Variants in OR5B3 observed in about 807,000 individuals in gnomAD.
OR5B3 encodes olfactory receptor family 5 subfamily B member 3.
For missense variants in OR5B3, 430 were observed against 375.4 expected (o/e 1.15, Z -1.20); for synonymous variants, 150 against 135.0 (o/e 1.11, Z -0.77).
intron 1 of OR5B3, among the ~76,000 whole-genome samples, chr11:58,405,982 T>C (rs1376962570): frequency 6.6e-6 from 1 of 152,148 alleles, no homozygotes; most frequent in African/African-American, 2.4e-5. Flanking sequence ...GAGAAGGGTG[T>C]CCAACCAATA....
At chr11:58,406,214 A>ATAG (rs1855098063) in intron 1 of OR5B3, among the ~76,000 whole-genome samples, 1 of 132,838 alleles carries the variant, frequency 7.5e-6, no homozygotes, top group Non-Finnish European at 1.7e-5. Flanking sequence ...AGAGAGTTAG[A>ATAG]TAGTATTATT....
chr11:58,403,373 G>C lies in OR5B3; in HGVS notation c.37C>G (p.Leu13Val), dbSNP rs1345732005. 6.2e-7 allele frequency: 1 copy of C among 1,601,198 alleles called. No individual in the cohort carries two copies. The highest frequency in any genetic ancestry group is 8.5e-7 in the Non-Finnish European group (1 of 1,173,516). Residue 13 changes from leucine to valine, a missense_variant, in exon 2 of 2, where the codon CTA (leucine) becomes GTA (valine). Physicochemically the swap from Leu to Val is conservative, Grantham distance 32 (BLOSUM62 1). Coordinates refer to ENST00000641865, the MANE Select transcript of OR5B3 (RefSeq NM_001005469.2). ...AGTTCTGAGTCATTGGTTAGTCCTA[G>C]AAGAATGAATTGTGTTACTTCTGTC... is the stretch of plus-strand genomic sequence containing the variant. Reference protein sequence around the residue: ...NKTEVTQFILLGLTNDSELQV... With the variant: ...NKTEVTQFILVGLTNDSELQV...
At position 58,403,278 on chromosome 11, in the gene OR5B3, A is replaced by G; in HGVS notation, c.132T>C (p.Ile44=). 1 of 1,613,572 alleles carries G rather than the reference A, an allele frequency of 6.2e-7. No individual in the cohort carries two copies. Among genetic ancestry groups the G allele is most frequent in the African/African-American group, 1.3e-5 (1 of 75,018 alleles). Residue 44 remains isoleucine (I), a synonymous_variant, in exon 2 of 2, where the codon ATT becomes ATC. Transcript: ENST00000641865. ...IITLVGNLGI[I]VLIFWDSCLH... is the part of the protein sequence containing the mutation. Reference sequence around the variant, plus strand: ...GACAGGAATCCCAGAATATCAATACAATAATTCCCAGGTTTCCAACCAGAG... The same window carrying G: ...GACAGGAATCCCAGAATATCAATACGATAATTCCCAGGTTTCCAACCAGAG...
intron 1 of OR5B3, among the ~76,000 whole-genome samples, chr11:58,405,713 T>C (rs1373546250): frequency 6.6e-6 from 1 of 152,122 alleles, no homozygotes; most frequent in African/African-American, 2.4e-5. Flanking sequence ...ATCTTAGCTA[T>C]GTAATAAACC....
At position 58,403,360 on chromosome 11, in the gene OR5B3, T is replaced by C. The variant is rs781537030; in HGVS notation, c.50A>G (p.Asn17Ser). ...GAGGGGAACCTGCAGTTCTGAGTCA[T>C]TGGTTAGTCCTAGAAGAATGAATTG... Reference protein sequence around the residue: ...VTQFILLGLTNDSELQVPLFI... With the variant: ...VTQFILLGLTSDSELQVPLFI... Residue 17 changes from asparagine (N) to serine (S), a missense_variant, in exon 2 of 2, where the codon AAT becomes AGT. By Grantham distance (46) the Asn-to-Ser change is conservative (BLOSUM62 1). Coordinates refer to ENST00000641865, the MANE Select transcript of OR5B3 (RefSeq NM_001005469.2). 5.6e-6 allele frequency: 9 copies of C among 1,610,194 alleles called. No individual in the cohort carries two copies. In the African/African-American group the frequency reaches 6.7e-5, roughly 12 times the overall value.
intron 1 of OR5B3, among the ~76,000 whole-genome samples, chr11:58,405,232 T>C (rs902203296): frequency 2.0e-4 from 31 of 152,216 alleles, no homozygotes; most frequent in African/African-American, 6.0e-4. Context: ...ATGATTTCAT[T>C]TTTTAGGGCT....
chr11:58,403,048 T>C lies in OR5B3; in HGVS notation c.362A>G (p.Tyr121Cys), dbSNP rs1855053979. Residue 121 changes from tyrosine to cysteine, a missense_variant, in exon 2 of 2, where the codon TAT becomes TGT. Physicochemically the swap from Tyr to Cys is radical, Grantham distance 194. Coordinates refer to ENST00000641865, the MANE Select transcript of OR5B3 (RefSeq NM_001005469.2). ...YLLASMAYDR[Y>C]AAVCKPLHYT... Reference sequence around the variant, plus strand: ...ATGTAGGGGTTTGCACACTGCTGCATAGCGGTCATAGGCCATTGAGGCCAA... The same window carrying C: ...ATGTAGGGGTTTGCACACTGCTGCACAGCGGTCATAGGCCATTGAGGCCAA... The C allele has an allele frequency of 6.2e-7, 1 of 1,614,114 alleles. No homozygotes were observed. The highest frequency in any genetic ancestry group is 2.2e-5 in the East Asian group (1 of 44,886).
At chr11:58,403,719 G>A (rs1855066683) in intron 1 of OR5B3, among the ~76,000 whole-genome samples, 1 of 152,048 alleles carries the variant, frequency 6.6e-6, no homozygotes. Flanking sequence ...TCATCTAGAT[G>A]CATCTATCTG....
In OR5B3 at chr11:58,403,416, T is replaced by A; in HGVS notation, c.-7A>T. 6.8e-7 allele frequency: 1 copy of A among 1,461,142 alleles called. No individual in the cohort carries two copies. Among genetic ancestry groups the A allele is most frequent in the South Asian group, 1.3e-5 (1 of 76,894 alleles). 90.5% of individuals were successfully genotyped at this position (1,461,142 alleles called of 1,614,324 possible). ...CTTCTGTCTTATTTTCCATCACTGC[T>A]CTGGGGGACTCACAGGATGCTTGTA... is the stretch of plus-strand genomic sequence containing the variant. On this transcript the variant is annotated 5_prime_UTR_variant, in exon 2 of 2. Transcript: ENST00000641865.
intron 1 of OR5B3, among the ~76,000 whole-genome samples, chr11:58,406,432 A>G (rs7114539): frequency 1.2e-4 from 18 of 151,704 alleles, no homozygotes; most frequent in Non-Finnish European, 2.2e-4. Context: ...ATAGCTCGTT[A>G]ATTCATTTAA....
rs1855053785 is a variant in OR5B3, at chr11:58,403,037, A to ATAT, written c.372_373insATA (p.Val124_Cys125insIle). 6.2e-7 allele frequency: 1 copy of ATAT among 1,613,994 alleles called. No individual in the cohort carries two copies. The highest frequency in any genetic ancestry group is 1.3e-5 in the African/African-American group (1 of 74,942). On this transcript the variant is annotated inframe_insertion, in exon 2 of 2. Transcript: ENST00000641865. ...GTTGTGGTGTAATGTAGGGGTTTGC[A>ATAT]CACTGCTGCATAGCGGTCATAGGCC...
chr11:58,405,916 A>G (rs1306859564), intron 1 of OR5B3, among the ~76,000 whole-genome samples: 1 of 152,192 alleles, frequency 6.6e-6, no homozygotes, highest in African/African-American at 2.4e-5. Context: ...CAGCCATGAA[A>G]AAAAGAATGA....
intron 1 of OR5B3, among the ~76,000 whole-genome samples, chr11:58,406,071 G>A (rs1288271195): frequency 1.3e-5 from 2 of 152,064 alleles, no homozygotes; most frequent in Non-Finnish European, 2.9e-5. Flanking sequence ...AAGGTGTTAT[G>A]TTGCTAACTT....
rs752282306 is a variant in OR5B3 at position 58,403,229 on chromosome 11, G to GA, written c.180dup (p.Leu61SerfsTer3). Reference sequence around the variant, plus strand: ...AAGTCCACTAGAGACAAGTTACTGAGAAAAAAGTACATGGGATTGTGGAGA... The same window carrying GA: ...AAGTCCACTAGAGACAAGTTACTGAGAAAAAAAGTACATGGGATTGTGGAGA... On this transcript the variant is annotated frameshift_variant, in exon 2 of 2. Coordinates refer to ENST00000641865, the MANE Select transcript of OR5B3 (RefSeq NM_001005469.2). LOFTEE classifies it low-confidence loss of function (END_TRUNC). The GA allele has an allele frequency of 6.2e-7, 1 of 1,613,700 alleles. No homozygotes were observed. The highest frequency in any genetic ancestry group is 1.3e-5 in the African/African-American group (1 of 74,984).
intron 1 of OR5B3, among the ~76,000 whole-genome samples, chr11:58,404,479 G>T (rs1450104819): frequency 6.6e-6 from 1 of 151,292 alleles, no homozygotes; most frequent in African/African-American, 2.4e-5. Context: ...GTGACAAGCA[G>T]GGCTGCAGGC....
intron 1 of OR5B3, among the ~76,000 whole-genome samples, chr11:58,405,074 G>A (rs1270185451): frequency 6.6e-6 from 1 of 152,096 alleles, no homozygotes; most frequent in African/African-American, 2.4e-5. Context: ...GTAGTCCACA[G>A]TGTCTATTGT....
rs1463695686 is a variant in OR5B3 at position 58,402,789 on chromosome 11, T to G, written c.621A>C (p.Ile207=). The G allele has an allele frequency of 6.2e-7, 1 of 1,613,738 alleles. No homozygotes were observed. The highest frequency in any genetic ancestry group is 8.5e-7 in the Non-Finnish European group (1 of 1,179,932). ...AGGATATCAAGATAACCAGGAGAGC[T>G]ATAAAGATATTGAAGCTCACAACAT... ...LIYVVSFNIF[I]ALLVILISYT... The change falls in exon 2 of 2, where the codon ATA becomes ATC. Residue 207 remains isoleucine, a synonymous_variant. Coordinates refer to ENST00000641865, the MANE Select transcript of OR5B3 (RefSeq NM_001005469.2).
chr11:58,403,290 G>A lies in OR5B3; in HGVS notation c.120C>T (p.Asn40=). The A allele has an allele frequency of 1.2e-6, 2 of 1,613,348 alleles. No individual in the cohort carries two copies. The highest frequency in any genetic ancestry group is 1.7e-4 in the Middle Eastern group (1 of 6,056). ...PFIYIITLVG[N]LGIIVLIFWD... is the part of the protein sequence containing the mutation. ...AGAATATCAATACAATAATTCCCAGGTTTCCAACCAGAGTGATAATATAGA... is the reference window on the plus strand; with the variant it reads ...AGAATATCAATACAATAATTCCCAGATTTCCAACCAGAGTGATAATATAGA... The change falls in exon 2 of 2, where the codon AAC becomes AAT. Residue 40 remains asparagine, a synonymous_variant. Coordinates refer to ENST00000641865, the MANE Select transcript of OR5B3 (RefSeq NM_001005469.2).
In OR5B3 at chr11:58,402,589, A is replaced by G. The variant is rs776459633; in HGVS notation, c.821T>C (p.Val274Ala). The change falls in exon 2 of 2, where the codon GTG becomes GCG. Residue 274 changes from valine (V) to alanine (A), a missense_variant. Val to Ala is a moderately conservative substitution (Grantham distance 64). Coordinates refer to ENST00000641865, the MANE Select transcript of OR5B3 (RefSeq NM_001005469.2). ...HSMDTDKMAP[V>A]FYTMVIPMLN... ...CATGGGGATGACCATTGTATAGAAC[A>G]CAGGTGCCATTTTGTCTGTGTCCAT... 1.2e-6 allele frequency: 2 copies of G among 1,613,668 alleles called. No homozygotes were observed. The highest frequency in any genetic ancestry group is 1.7e-6 in the Non-Finnish European group (2 of 1,179,634).
Sources: allele counts gnomAD v4.1 joint callset (sites outside exome capture counted in the v4.1 genomes callset), GRCh38; gene constraint gnomAD v4.1.1; transcripts MANE v1.5; gene names NCBI Gene and HGNC (gene_info 2026-07-23, HGNC 2026-07-21).